Variants in PTPRQ observed in about 807,000 individuals in gnomAD.
The protein encoded by PTPRQ is protein tyrosine phosphatase receptor type Q.
In PTPRQ, 199 loss-of-function variants were observed where a neutral mutation model predicts 246.0. That is an observed-to-expected ratio of 0.81 (90% CI 0.72 to 0.91). PTPRQ has a LOEUF of 0.91. Ranked by LOEUF, PTPRQ falls within the 40% of genes least tolerant of loss-of-function variation. The pLI, the probability that PTPRQ is intolerant of heterozygous loss-of-function variation, is 0.00. For synonymous variants in PTPRQ, 869 were observed against 853.2 expected (o/e 1.02, Z -0.32); for missense variants, 2,624 against 2,528.4 (o/e 1.04, Z -0.81).
chr12:80,633,451 G>T (rs1353999573), intron 34 of PTPRQ, among the ~76,000 whole-genome samples: 1 of 152,062 alleles, frequency 6.6e-6, no homozygotes, highest in African/African-American at 2.4e-5. Flanking sequence ...GGGCCTCGTT[G>T]GAAATCTTAC....
At chr12:80,481,108 T>C (rs976822491) in intron 8 of PTPRQ, among the ~76,000 whole-genome samples, 25 of 152,140 alleles carry the variant, frequency 1.6e-4, no homozygotes, top group East Asian at 9.6e-4. Context: ...TGATGAACAT[T>C]GATGCAAAAA....
chr12:80,482,762 G>A (rs2120600049), intron 8 of PTPRQ, among the ~76,000 whole-genome samples: 1 of 151,218 alleles, frequency 6.6e-6, no homozygotes, highest in South Asian at 2.1e-4. Context: ...GCAGCCAAAA[G>A]ACACATGAAA....
chr12:80,675,772 G>C (rs1424578743), intron 43 of PTPRQ, among the ~76,000 whole-genome samples: 1 of 152,176 alleles, frequency 6.6e-6, no homozygotes, highest in Non-Finnish European at 1.5e-5. Context: ...CACAGCTTGG[G>C]ATGGGGATTT....
In PTPRQ at chr12:80,495,512, T is replaced by A; in HGVS notation, c.1882+141T>A. 1.7e-6 allele frequency: 2 copies of A among 1,151,666 alleles called. 1 individual carries two copies. The highest frequency in any genetic ancestry group is 4.5e-5 in the South Asian group (2 of 44,472). 71.3% of individuals were successfully genotyped at this position (1,151,666 alleles called of 1,614,324 possible). A position where few individuals can be genotyped will look rare whatever the true frequency, so the allele number is the denominator to read the frequency against. On this transcript the variant is annotated intron_variant, in intron 12 of 44. Transcript: ENST00000644991. The stretch of plus-strand genomic sequence containing the variant: ...CATATTTTGTTGTTTTGTGTCACCA[T>A]GAATCTTTTTAAAATACCTGCATAC...
chr12:80,526,426 T>C (rs1895688965), intron 17 of PTPRQ, among the ~76,000 whole-genome samples: 1 of 152,136 alleles, frequency 6.6e-6, no homozygotes, highest in Admixed American at 6.6e-5. Flanking sequence ...GGGTATAGAA[T>C]TGGAAAGTGA....
intron 17 of PTPRQ, among the ~76,000 whole-genome samples, chr12:80,517,300 A>G (rs1336796408): frequency 2.0e-5 from 3 of 152,082 alleles, no homozygotes; most frequent in Admixed American, 1.3e-4. Context: ...GCTGTCTTTT[A>G]TTTGAAGCAT....
intron 3 of PTPRQ, among the ~76,000 whole-genome samples, chr12:80,453,070 T>C (rs552578895): frequency 1.1e-3 from 162 of 152,270 alleles, no homozygotes; most frequent in Middle Eastern, 3.4e-3. Flanking sequence ...CATTTCTTTT[T>C]ATTCTTTTTT....
At chr12:80,572,972 A>G (rs899918523) in intron 25 of PTPRQ, among the ~76,000 whole-genome samples, 42 of 152,264 alleles carry the variant, frequency 2.8e-4, no homozygotes, top group African/African-American at 1.0e-3. Context: ...CTTTTATTAT[A>G]ACATTTTTTC....
At chr12:80,608,902 A>C (rs1303598665) in intron 27 of PTPRQ, among the ~76,000 whole-genome samples, 1 of 150,686 alleles carries the variant, frequency 6.6e-6, no homozygotes, top group Non-Finnish European at 1.5e-5. Context: ...GCCTAGTCTT[A>C]AGGAAAATTA....
chr12:80,638,267 TAAAAAAA>T (rs148232481), intron 35 of PTPRQ, among the ~76,000 whole-genome samples: 1 of 138,610 alleles, frequency 7.2e-6, no homozygotes, highest in African/African-American at 2.7e-5. Context: ...GAAACTCCGT[TAAAAAAA>T]AAAAAAAAAA....
At chr12:80,471,044 C>G (rs1312835382) in intron 7 of PTPRQ, among the ~76,000 whole-genome samples, 1 of 152,138 alleles carries the variant, frequency 6.6e-6, no homozygotes, top group Non-Finnish European at 1.5e-5. Context: ...TGAACCAAAG[C>G]TAGACCATGA....
chr12:80,463,586 T>G (rs1326345541), intron 6 of PTPRQ, among the ~76,000 whole-genome samples: 3 of 151,590 alleles, frequency 2.0e-5, no homozygotes, highest in African/African-American at 7.3e-5. Flanking sequence ...AAAGTTGAAA[T>G]GAAGGAAAAA....
chr12:80,559,975 T>G (rs898886556), intron 25 of PTPRQ, among the ~76,000 whole-genome samples: 1 of 152,184 alleles, frequency 6.6e-6, no homozygotes, highest in Non-Finnish European at 1.5e-5. Flanking sequence ...CAGTAAGCAA[T>G]TTGGGCAGGG....
At chr12:80,667,833 T>C (rs1032996137) in intron 39 of PTPRQ, among the ~76,000 whole-genome samples, 1 of 151,936 alleles carries the variant, frequency 6.6e-6, no homozygotes, top group African/African-American at 2.4e-5. Flanking sequence ...CCTCACACTT[T>C]AACTACATAT....
chr12:80,496,191 C>T, intron 13 of PTPRQ, 59 bp from the exon 14 acceptor site: 1 of 1,542,152 alleles, frequency 6.5e-7, no homozygotes, highest in African/African-American at 1.4e-5. Context: ...CCTCTAGGGT[C>T]TAAAGCAACA....
chr12:80,640,228 G>A (rs1365945184), intron 35 of PTPRQ, among the ~76,000 whole-genome samples: 1 of 152,156 alleles, frequency 6.6e-6, no homozygotes, highest in African/African-American at 2.4e-5. Flanking sequence ...GCAAAGAAGT[G>A]ATGGCATTTA....
At chr12:80,494,095 A>T (rs941319762) in intron 10 of PTPRQ, among the ~76,000 whole-genome samples, 8 of 152,024 alleles carry the variant, frequency 5.3e-5, no homozygotes, top group Non-Finnish European at 1.2e-4. Flanking sequence ...TTCAAAATTA[A>T]AAGTGTTATT....
chr12:80,524,374 T>C (rs1895614753), intron 17 of PTPRQ, among the ~76,000 whole-genome samples: 1 of 152,150 alleles, frequency 6.6e-6, no homozygotes, highest in African/African-American at 2.4e-5. Flanking sequence ...CATTAAGACA[T>C]GCCTTTTGCC....
At chr12:80,613,546 G>A (rs1396233800) in intron 28 of PTPRQ, 46 bp from the exon 29 acceptor site, 1 of 1,431,210 alleles carries the variant, frequency 7.0e-7, no homozygotes, top group Non-Finnish European at 9.3e-7. Context: ...GAGATAAAAA[G>A]GAATACAATA....
Sources: allele counts gnomAD v4.1 joint callset (sites outside exome capture counted in the v4.1 genomes callset), GRCh38; gene constraint gnomAD v4.1.1; transcripts MANE v1.5; gene names NCBI Gene and HGNC (gene_info 2026-07-23, HGNC 2026-07-21).